TBC1D32: variants seen among roughly 807,000 people sequenced by gnomAD.
TBC1D32 encodes the protein protein broad-minded.
A neutral mutation model predicts 170.3 loss-of-function variants in TBC1D32; 151 were observed. The observed-to-expected ratio is 0.89, with a 90% CI of 0.78 to 1.01. The LOEUF (loss-of-function observed/expected upper bound fraction) is 1.01, where lower values mean the gene tolerates loss of function less well. Ranked by LOEUF, TBC1D32 falls within the 50% of genes least tolerant of loss-of-function variation. The pLI, the probability that TBC1D32 is intolerant of heterozygous loss-of-function variation, is 0.00. For missense variants in TBC1D32, 1,464 were observed against 1,457.1 expected (o/e 1.00, Z -0.08); for synonymous variants, 498 against 488.0 (o/e 1.02, Z -0.27).
intron 22 of TBC1D32, 56 bp downstream of exon 22, chr6:121,205,019 G>T: frequency 9.7e-7 from 1 of 1,036,250 alleles, no homozygotes; most frequent in Non-Finnish European, 1.4e-6. Flanking sequence ...CAGGACAAAT[G>T]CTTATTTTTT....
intron 11 of TBC1D32, among the ~76,000 whole-genome samples, chr6:121,294,159 C>T (rs114669028): frequency 7.4e-4 from 112 of 152,096 alleles, no homozygotes; most frequent in African/African-American, 2.6e-3. Flanking sequence ...AGAAGGATCA[C>T]GGGGTGACAC....
intron 22 of TBC1D32, among the ~76,000 whole-genome samples, chr6:121,176,491 A>G (rs1461340480): frequency 6.6e-6 from 1 of 152,196 alleles, no homozygotes; most frequent in South Asian, 2.1e-4. Context: ...ACATGATGCC[A>G]CAAGTGGACA....
At chr6:121,192,799 G>A (rs1790238689) in intron 22 of TBC1D32, among the ~76,000 whole-genome samples, 1 of 148,584 alleles carries the variant, frequency 6.7e-6, no homozygotes, top group African/African-American at 2.5e-5. Flanking sequence ...CCCAGTAGTG[G>A]CAACATCTCC....
At position 121,131,579 on chromosome 6, in the gene TBC1D32, T is replaced by C. The variant is rs749983462; in HGVS notation, c.2899+48A>G. On this transcript the variant is annotated intron_variant, in intron 25 of 31. Coordinates refer to ENST00000398212, the MANE Select transcript of TBC1D32 (RefSeq NM_152730.6). ...CTTTAAGAACCACAGATTCTATTAA[T>C]ATAATTTTCATACATAAGAAAACCC... 7 of 1,563,292 alleles carry C rather than the reference T, an allele frequency of 4.5e-6. No homozygotes were observed. In the African/African-American group the frequency reaches 8.2e-5, roughly 18 times the overall value.
At chr6:121,311,964 T>C (rs1311688672) in intron 3 of TBC1D32, among the ~76,000 whole-genome samples, 1 of 152,046 alleles carries the variant, frequency 6.6e-6, no homozygotes, top group East Asian at 1.9e-4. Context: ...CAAATGCCTA[T>C]CAATGATAGG....
chr6:121,296,727 C>T (rs1805696745), intron 10 of TBC1D32, among the ~76,000 whole-genome samples: 1 of 151,826 alleles, frequency 6.6e-6, no homozygotes, highest in Non-Finnish European at 1.5e-5. Flanking sequence ...TCTCCTTTGA[C>T]CCATTTTCTA....
rs372865216 is a variant in TBC1D32 at position 121,303,739 on chromosome 6, T to C, written c.958A>G (p.Ser320Gly). 3 of 1,551,338 alleles carry C rather than the reference T, an allele frequency of 1.9e-6. No individual in the cohort carries two copies. The African/African-American group carries it at 4.1e-5, about 21-fold the overall frequency. Reference sequence around the variant, plus strand: ...TTAACTGTTAACAAGGACAAAGTACTCTCCACAATTTCTTCCATATACCTT... The same window carrying C: ...TTAACTGTTAACAAGGACAAAGTACCCTCCACAATTTCTTCCATATACCTT... ...PEKYMEEIVESTLSLLTVKHN... is the reference protein window; with the variant it reads ...PEKYMEEIVEGTLSLLTVKHN... Residue 320 changes from serine to glycine, a missense_variant, in exon 9 of 32, where the codon AGT (serine) becomes GGT (glycine). Transcript: ENST00000398212.
At chr6:121,313,108 GTGTGTGTGTGT>G (rs1808455636) in intron 3 of TBC1D32, among the ~76,000 whole-genome samples, 53 of 1,304 alleles carry the variant, frequency 0.041, no homozygotes, top group African/African-American at 0.063. Context: ...CTAAGGTGGT[GTGTGTGTGTGT>G]GTGTGTGTGT....
chr6:121,291,197 C>G (rs983532931), intron 12 of TBC1D32, among the ~76,000 whole-genome samples: 1 of 151,766 alleles, frequency 6.6e-6, no homozygotes, highest in African/African-American at 2.4e-5. Context: ...ATAAATCACA[C>G]TGTACAGTTT....
chr6:121,170,603 A>G (rs965898466), intron 22 of TBC1D32: 41 of 1,057,612 alleles, frequency 3.9e-5, no homozygotes, highest in Non-Finnish European at 4.8e-5. Context: ...TGATGTCTCA[A>G]AGTAATACCT....
chr6:121,250,281 A>G (rs180849549), intron 17 of TBC1D32, among the ~76,000 whole-genome samples: 7 of 152,214 alleles, frequency 4.6e-5, no homozygotes, highest in Admixed American at 2.6e-4. Context: ...GAGACACAAT[A>G]AAAAATGAAA....
At chr6:121,233,691 T>A (rs1796009265) in intron 20 of TBC1D32, among the ~76,000 whole-genome samples, 1 of 152,148 alleles carries the variant, frequency 6.6e-6, no homozygotes, top group South Asian at 2.1e-4. Flanking sequence ...AGTGGAGCAT[T>A]TAGGCCATTT....
chr6:121,273,778 T>C (rs1485910843), intron 15 of TBC1D32, among the ~76,000 whole-genome samples: 1 of 152,154 alleles, frequency 6.6e-6, no homozygotes, highest in African/African-American at 2.4e-5. Context: ...CCTACTCTTG[T>C]GCCAATCACC....
chr6:121,252,571 G>C, intron 17 of TBC1D32, among the ~76,000 whole-genome samples: 1 of 152,050 alleles, frequency 6.6e-6, no homozygotes, highest in East Asian at 1.9e-4. Flanking sequence ...GCCTCTCAGG[G>C]GGTGGAGAGC....
chr6:121,290,891 A>G (rs1804735855), intron 12 of TBC1D32, among the ~76,000 whole-genome samples: 2 of 152,160 alleles, frequency 1.3e-5, no homozygotes, highest in South Asian at 2.1e-4. Flanking sequence ...TCTGCAAACT[A>G]TCTCAAGGAC....
At chr6:121,092,443 A>G (rs908491964) in intron 30 of TBC1D32, among the ~76,000 whole-genome samples, 1 of 151,904 alleles carries the variant, frequency 6.6e-6, no homozygotes, top group Non-Finnish European at 1.5e-5. Flanking sequence ...TTCTAAAAAC[A>G]TATTCTTGAA....
chr6:121,239,217 T>G, intron 19 of TBC1D32, 29 bp from the exon 20 acceptor site: 1 of 1,287,420 alleles, frequency 7.8e-7, no homozygotes. Flanking sequence ...TCAAGTCATT[T>G]ATAGCATAAT....
intron 30 of TBC1D32, chr6:121,096,038 T>A (rs916722673): frequency 2.0e-5 from 3 of 152,316 alleles, no homozygotes; most frequent in Non-Finnish European, 4.4e-5. Context: ...CTGGGTAGAA[T>A]TCGGCTGTGA....
At chr6:121,198,960 GA>G (rs1791188497) in intron 22 of TBC1D32, among the ~76,000 whole-genome samples, 1 of 151,306 alleles carries the variant, frequency 6.6e-6, no homozygotes, top group Non-Finnish European at 1.5e-5. Flanking sequence ...CTGTATCTAA[GA>G]AAGTATGGCA....
Sources: gnomAD v4.1 joint callset for allele counts (sites outside exome capture counted in the v4.1 genomes callset) on GRCh38, gnomAD v4.1.1 for gene constraint, MANE v1.5 for transcripts, NCBI Gene and HGNC (gene_info 2026-07-23, HGNC 2026-07-21) for gene names.